NME7: variants seen among roughly 807,000 people sequenced by gnomAD.
NME7 encodes the protein NME/NM23 family member 7.
In NME7, 41 loss-of-function variants were observed where a neutral mutation model predicts 49.1. The observed-to-expected ratio is 0.83, with a 90% CI of 0.65 to 1.08. The LOEUF is 1.08. Ranked by LOEUF, NME7 falls within the 50% of genes least tolerant of loss-of-function variation. NME7 has a pLI of 0.00. For synonymous variants in NME7, 139 were observed against 150.6 expected, an observed-to-expected ratio of 0.92 and a Z score of 0.56; for missense variants, 423 against 463.4, an observed-to-expected ratio of 0.91 and a Z score of 0.80.
intron 1 of NME7, 52 bp downstream of exon 1, chr1:169,367,656 G>T: frequency 6.2e-7 from 1 of 1,612,370 alleles, no homozygotes; most frequent in South Asian, 1.1e-5. Context: ...GACTTGGAAA[G>T]CTAAGTAAGT....
rs988452025 is a variant in NME7 at position 169,336,231 on chromosome 1, C to T, written c.4-11731G>A. ...TCAGGAGTGAAGCTGCAGATCTTCA[C>T]GGTGAGTGTTACAGCTCATAAAAGC... On this transcript the variant is annotated intron_variant, in intron 1 of 11. Transcript: ENST00000367811. Among the ~76,000 whole-genome samples the T allele has an allele frequency of 2.5e-4, 38 of 152,160 alleles. 1 individual carries two copies. The highest frequency in any genetic ancestry group is 1.9e-4 in the East Asian group (1 of 5,180).
intron 11 of NME7, among the ~76,000 whole-genome samples, chr1:169,149,026 G>C (rs537465304): frequency 6.6e-6 from 1 of 152,330 alleles, no homozygotes; most frequent in Non-Finnish European, 1.5e-5. Context: ...GCACTAGTGA[G>C]CATATCTATT....
chr1:169,317,157 T>A (rs1045269625), intron 3 of NME7, among the ~76,000 whole-genome samples: 3 of 152,066 alleles, frequency 2.0e-5, no homozygotes, highest in Non-Finnish European at 4.4e-5. Flanking sequence ...AAGAGACATA[T>A]CTAAAGCATA....
chr1:169,250,441 TTTG>T (rs202074916), intron 7 of NME7, among the ~76,000 whole-genome samples: 109 of 152,134 alleles, frequency 7.2e-4, no homozygotes, highest in African/African-American at 2.5e-3. Flanking sequence ...CTTTGGTATT[TTTG>T]TTGTTGTTGT....
chr1:169,220,300 A>T (rs1025573899), intron 10 of NME7, among the ~76,000 whole-genome samples: 2 of 152,204 alleles, frequency 1.3e-5, no homozygotes, highest in African/African-American at 4.8e-5. Flanking sequence ...TCTATTTAAA[A>T]ATTATAAGTG....
At chr1:169,163,794 A>G (rs1659317142) in intron 11 of NME7, among the ~76,000 whole-genome samples, 1 of 152,162 alleles carries the variant, frequency 6.6e-6, no homozygotes, top group South Asian at 2.1e-4. Flanking sequence ...CAACTTTTCT[A>G]AAAGTTTAAA....
chr1:169,164,174 G>A (rs1375265627), intron 11 of NME7, among the ~76,000 whole-genome samples: 2 of 151,768 alleles, frequency 1.3e-5, no homozygotes, highest in African/African-American at 2.4e-5. Context: ...TAGAAAACTG[G>A]CTAGGTGATT....
intron 3 of NME7, among the ~76,000 whole-genome samples, chr1:169,320,965 G>A (rs578158388): frequency 6.6e-6 from 1 of 152,266 alleles, no homozygotes; most frequent in South Asian, 2.1e-4. Flanking sequence ...TTACTTTCTA[G>A]CTGTGTTACT....
chr1:169,176,838 T>C (rs1397053555), intron 10 of NME7, among the ~76,000 whole-genome samples: 1 of 152,160 alleles, frequency 6.6e-6, no homozygotes, highest in East Asian at 1.9e-4. Flanking sequence ...CTTAGTATTT[T>C]AGCAAAAACT....
chr1:169,333,097 T>C (rs1419450431), intron 1 of NME7, among the ~76,000 whole-genome samples: 1 of 152,176 alleles, frequency 6.6e-6, no homozygotes, highest in Non-Finnish European at 1.5e-5. Flanking sequence ...ATGTGGTACA[T>C]ATACACAATG....
intron 10 of NME7, among the ~76,000 whole-genome samples, chr1:169,204,002 A>ATGC (rs1660615394): frequency 6.6e-6 from 1 of 151,874 alleles, no homozygotes; most frequent in African/African-American, 2.4e-5. Context: ...GACTACAGGT[A>ATGC]TGCACCACCA....
chr1:169,138,432 A>G (rs1020979297), intron 11 of NME7, among the ~76,000 whole-genome samples: 1 of 149,720 alleles, frequency 6.7e-6, no homozygotes, highest in African/African-American at 2.5e-5. Context: ...CCTCAAGGCC[A>G]GGTGCAGTGG....
At chr1:169,216,840 C>A (rs952591605) in intron 10 of NME7, among the ~76,000 whole-genome samples, 1 of 152,222 alleles carries the variant, frequency 6.6e-6, no homozygotes, top group South Asian at 2.1e-4. Context: ...TCCCCACACA[C>A]TTCTTGGTGA....
chr1:169,181,739 G>T (rs1659937984), intron 10 of NME7, among the ~76,000 whole-genome samples: 1 of 151,994 alleles, frequency 6.6e-6, no homozygotes, highest in African/African-American at 2.4e-5. Flanking sequence ...AAACCGCTTT[G>T]GCAAAGGACA....
At chr1:169,272,733 G>C (rs1226043941) in intron 7 of NME7, among the ~76,000 whole-genome samples, 3 of 132,416 alleles carry the variant, frequency 2.3e-5, no homozygotes, top group Non-Finnish European at 5.3e-5. Flanking sequence ...CTTTGCTATT[G>C]TGAACCGTGC....
intron 11 of NME7, among the ~76,000 whole-genome samples, chr1:169,135,910 G>C (rs981331856): frequency 6.6e-6 from 1 of 152,030 alleles, no homozygotes; most frequent in Non-Finnish European, 1.5e-5. Flanking sequence ...GACCCTAAGA[G>C]AATGCCCATA....
chr1:169,292,025 C>T (rs911633290), intron 6 of NME7, among the ~76,000 whole-genome samples: 10 of 151,952 alleles, frequency 6.6e-5, no homozygotes, highest in African/African-American at 2.2e-4. Context: ...CAACAAATCG[C>T]TGAAATTGAC....
At chr1:169,219,146 C>T (rs1411943338) in intron 10 of NME7, among the ~76,000 whole-genome samples, 1 of 152,144 alleles carries the variant, frequency 6.6e-6, no homozygotes, top group Admixed American at 6.5e-5. Context: ...TAGCCTATTC[C>T]CTAGGCCTCA....
intron 7 of NME7, among the ~76,000 whole-genome samples, chr1:169,246,039 CA>C (rs764128536): frequency 8.6e-5 from 13 of 151,800 alleles, no homozygotes; most frequent in Non-Finnish European, 1.8e-4. Flanking sequence ...TTCTGCCTTG[CA>C]ATAAGGAAAA....
Sources: gnomAD v4.1 joint callset for allele counts (sites outside exome capture counted in the v4.1 genomes callset) on GRCh38, gnomAD v4.1.1 for gene constraint, MANE v1.5 for transcripts, NCBI Gene and HGNC (gene_info 2026-07-23, HGNC 2026-07-21) for gene names.